The following LCA5 variants were observed in gnomAD, a reference collection of about 807,000 sequenced individuals.
The protein encoded by LCA5 is lebercilin LCA5.
In LCA5, 37 loss-of-function variants were observed where a neutral mutation model predicts 53.0. That is an observed-to-expected ratio of 0.70 (90% CI 0.54 to 0.92). The LOEUF (loss-of-function observed/expected upper bound fraction) is 0.92. Among genes scored for constraint, LCA5 ranks in the 40% least tolerant of loss-of-function variants. The pLI is 0.00. For synonymous variants in LCA5, 303 were observed against 282.9 expected, an observed-to-expected ratio of 1.07 and a Z score of -0.71; for missense variants, 806 against 790.5, an observed-to-expected ratio of 1.02 and a Z score of -0.23.
intron 1 of LCA5, among the ~76,000 whole-genome samples, chr6:79,531,217 C>T (rs1009897037): frequency 6.6e-6 from 1 of 152,174 alleles, no homozygotes; most frequent in Non-Finnish European, 1.5e-5. Context: ...CCACCTGTAT[C>T]TATCCCATCC....
upstream of LCA5, among the ~76,000 whole-genome samples, chr6:79,537,879 T>C (rs1296504627): frequency 6.6e-6 from 1 of 152,098 alleles, no homozygotes; most frequent in Non-Finnish European, 1.5e-5. Context: ...TTCAGGAGGA[T>C]GCGGGGTGAG....
In LCA5 at chr6:79,513,311, T is replaced by C. The variant is rs1161801368; in HGVS notation, c.621A>G (p.Lys207=). The part of the protein sequence containing the change: ...FRTKFSLQKL[K]EISEARHLPE... ...GTAGGTGTCTAGCTTCAGAGATCTC[T>C]TTCAGTTTCTGTAAGGAAAATTTTG... The change falls in exon 3 of 8, where the codon AAA becomes AAG. Residue 207 remains lysine (K), a synonymous_variant. Coordinates refer to ENST00000369846, the MANE Select transcript of LCA5 (RefSeq NM_001122769.3). 5 of 1,613,774 alleles carry C rather than the reference T, an allele frequency of 3.1e-6. No homozygotes were observed. The highest frequency in any genetic ancestry group is 1.1e-5 in the South Asian group (1 of 91,070).
rs758451477 is a variant in LCA5 at position 79,518,945 on chromosome 6, AGAG to A, written c.-54_-52del. 1 of 1,533,108 alleles carries A rather than the reference AGAG, an allele frequency of 6.5e-7. No individual in the cohort carries two copies. The highest frequency in any genetic ancestry group is 1.1e-5 in the South Asian group (1 of 89,440). 95.0% of individuals were successfully genotyped at this position (1,533,108 alleles called of 1,614,324 possible). A position where few individuals can be genotyped will look rare whatever the true frequency, so the allele number is the denominator to read the frequency against. ...CATAATTTCACAGATTATTTTCTCC[AGAG>A]GAGACTATGACAATACTGAAAAACA... On this transcript the variant is annotated 5_prime_UTR_variant, in exon 2 of 8. Coordinates refer to ENST00000369846, the MANE Select transcript of LCA5 (RefSeq NM_001122769.3).
At chr6:79,517,526 T>G (rs1766474483) in intron 2 of LCA5, among the ~76,000 whole-genome samples, 1 of 152,016 alleles carries the variant, frequency 6.6e-6, no homozygotes, top group South Asian at 2.1e-4. Context: ...AACTACAAAA[T>G]TATAACAAGC....
At chr6:79,523,473 G>T (rs1282612648) in intron 1 of LCA5, among the ~76,000 whole-genome samples, 1 of 152,160 alleles carries the variant, frequency 6.6e-6, no homozygotes, top group Non-Finnish European at 1.5e-5. Context: ...CTACTTTAGA[G>T]AATTCTTGTG....
intron 3 of LCA5, among the ~76,000 whole-genome samples, chr6:79,502,390 C>G (rs1029848970): frequency 6.6e-6 from 1 of 152,160 alleles, no homozygotes; most frequent in Non-Finnish European, 1.5e-5. Context: ...AAGTAATGGA[C>G]CTTGTTCTTG....
rs113713970 is a variant in LCA5 at position 79,520,890 on chromosome 6, T to C, written c.-191-1805A>G. ...CAAGGAAGAAGGGTAACATACATAA[T>C]TTTTATATATTTAAGTAGAAGGAGA... On this transcript the variant is annotated intron_variant, in intron 1 of 7. Transcript: ENST00000369846. Among the ~76,000 whole-genome samples, 540 of 152,220 alleles carry C rather than the reference T, an allele frequency of 3.5e-3. 7 individuals carry two copies. Among genetic ancestry groups the C allele is most frequent in the African/African-American group, 0.012 (513 of 41,550 alleles).
intron 3 of LCA5, among the ~76,000 whole-genome samples, chr6:79,498,692 T>A (rs1442154525): frequency 6.6e-6 from 1 of 152,002 alleles, no homozygotes; most frequent in African/African-American, 2.4e-5. Flanking sequence ...TAAAAAATAC[T>A]ATTAAAATAT....
chr6:79,528,777 C>T (rs572410479), intron 1 of LCA5, among the ~76,000 whole-genome samples: 2 of 152,180 alleles, frequency 1.3e-5, no homozygotes, highest in East Asian at 3.9e-4. Context: ...GGGTAGCTAG[C>T]CAGTTAAATG....
chr6:79,526,340 G>A (rs1250181014), intron 1 of LCA5, among the ~76,000 whole-genome samples: 2 of 151,964 alleles, frequency 1.3e-5, no homozygotes, highest in Non-Finnish European at 2.9e-5. Context: ...GTCAGGAGAT[G>A]GAGACCATCC....
At chr6:79,522,112 AT>A (rs1766641984) in intron 1 of LCA5, among the ~76,000 whole-genome samples, 1 of 152,168 alleles carries the variant, frequency 6.6e-6, no homozygotes, top group Admixed American at 6.5e-5. Flanking sequence ...TATAAAAAAA[AT>A]CACACATGCA....
At position 79,537,230 on chromosome 6, in the gene LCA5, A is replaced by G. The variant is rs1035497541; in HGVS notation, c.-257T>C. 1.3e-5 allele frequency: 2 copies of G among 152,566 alleles called. No individual in the cohort carries two copies. Among genetic ancestry groups the G allele is most frequent in the African/African-American group, 2.4e-5 (1 of 41,442 alleles). The allele number at this position is 152,566 out of a possible 1,614,324, so 9.5% of individuals were successfully genotyped here. A position where few individuals can be genotyped will look rare whatever the true frequency, so the allele number is the denominator to read the frequency against. ...CCGCCTCCTTGCCTTCCCTCTTAGG[A>G]CCAAACTCCCAGCTGGGGCCTCGGC... is the stretch of plus-strand genomic sequence containing the variant. On this transcript the variant is annotated 5_prime_UTR_variant, in exon 1 of 8. Coordinates refer to ENST00000369846, the MANE Select transcript of LCA5 (RefSeq NM_001122769.3).
Position 79,486,795 on chromosome 6 carries a change from G to T in LCA5, c.*209C>A. 1 of 465,914 alleles carries T rather than the reference G, an allele frequency of 2.1e-6. No individual in the cohort carries two copies. Among genetic ancestry groups the T allele is most frequent in the Non-Finnish European group, 3.7e-6 (1 of 268,470 alleles). The allele number at this position is 465,914 out of a possible 1,614,324, so 28.9% of individuals were successfully genotyped here. ...TTTTCAAGACATATTTTTATTTTTG[G>T]TTTCATTCAAAAAAGCCTCCTTCAT... is the stretch of plus-strand genomic sequence containing the variant. On this transcript the variant is annotated 3_prime_UTR_variant, in exon 8 of 8. Transcript: ENST00000369846.
intron 6 of LCA5, among the ~76,000 whole-genome samples, 178 bp from the exon 7 acceptor site, chr6:79,489,394 C>G (rs554408276): frequency 4.6e-5 from 7 of 152,178 alleles, no homozygotes; most frequent in South Asian, 4.1e-4. Flanking sequence ...CAAAACCGCA[C>G]AGGATTATTT....
At chr6:79,531,099 G>A (rs1045257566) in intron 1 of LCA5, among the ~76,000 whole-genome samples, 5 of 152,064 alleles carry the variant, frequency 3.3e-5, no homozygotes, top group African/African-American at 7.2e-5. Context: ...AGAAAGCTCC[G>A]TTAGTAAAAC....
chr6:79,532,388 A>G (rs1766984144), intron 1 of LCA5, among the ~76,000 whole-genome samples: 1 of 152,198 alleles, frequency 6.6e-6, no homozygotes, highest in African/African-American at 2.4e-5. Context: ...CAGAAATCAG[A>G]CCAGCACTGC....
At chr6:79,503,402 C>A (rs1770194306) in intron 3 of LCA5, among the ~76,000 whole-genome samples, 1 of 152,076 alleles carries the variant, frequency 6.6e-6, no homozygotes, top group African/African-American at 2.4e-5. Flanking sequence ...CTGTGAAGAA[C>A]TGCCAAAATT....
At position 79,487,735 on chromosome 6, in the gene LCA5, G is replaced by C; in HGVS notation, c.1363C>G (p.Gln455Glu). 3 of 1,613,800 alleles carry C rather than the reference G, an allele frequency of 1.9e-6. No individual in the cohort carries two copies. The highest frequency in any genetic ancestry group is 2.5e-6 in the Non-Finnish European group (3 of 1,179,838). ...MYPIQNMDKL[Q>E]GEEEERLKRE... is the part of the protein sequence containing the mutation. Reference sequence around the variant, plus strand: ...TTCAGTCTTTCTTCTTCCTCTCCTTGCAATTTATCCATATTCTGAATTGGA... The same window carrying C: ...TTCAGTCTTTCTTCTTCCTCTCCTTCCAATTTATCCATATTCTGAATTGGA... Residue 455 changes from glutamine to glutamate, a missense_variant, in exon 8 of 8, where the codon CAA becomes GAA. Physicochemically the swap from Gln to Glu is conservative, Grantham distance 29. Coordinates refer to ENST00000369846, the MANE Select transcript of LCA5 (RefSeq NM_001122769.3).
intron 2 of LCA5, among the ~76,000 whole-genome samples, chr6:79,518,221 C>A (rs1766501616): frequency 6.6e-6 from 1 of 152,078 alleles, no homozygotes; most frequent in East Asian, 1.9e-4. Flanking sequence ...GCAAATTAGA[C>A]CAAAGGCCCC....
Sources: gnomAD v4.1 joint callset for allele counts (sites outside exome capture counted in the v4.1 genomes callset) on GRCh38, gnomAD v4.1.1 for gene constraint, MANE v1.5 for transcripts, NCBI Gene and HGNC (gene_info 2026-07-23, HGNC 2026-07-21) for gene names.